BLTP3A: variants seen among roughly 807,000 people sequenced by gnomAD.
BLTP3A encodes ICBP90 binding protein 1.
the BLTP3A span, chr6:34,857,490 A>T: frequency 6.2e-7 from 1 of 1,611,944 alleles, no homozygotes; most frequent in Non-Finnish European, 8.5e-7. Flanking sequence ...TAGGCTGGCT[A>T]TTTTTCTGTC....
At chr6:34,810,231 C>T in the BLTP3A span, among the ~76,000 whole-genome samples, 1 of 152,078 alleles carries the variant, frequency 6.6e-6, no homozygotes, top group Non-Finnish European at 1.5e-5. Flanking sequence ...TGTGTGGGTC[C>T]CATGGTGTTA....
chr6:34,871,763 A>C, the BLTP3A span: 13 of 1,611,654 alleles, frequency 8.1e-6, no homozygotes, highest in East Asian at 2.2e-5. Flanking sequence ...ACACCTAGGA[A>C]CTGTTTGGGA....
At chr6:34,815,085 CAT>C in the BLTP3A span, among the ~76,000 whole-genome samples, 3 of 152,190 alleles carry the variant, frequency 2.0e-5, no homozygotes, top group Admixed American at 6.5e-5. Context: ...ATGCATACCT[CAT>C]GTGGGATATT....
At chr6:34,792,254 G>A in the BLTP3A span, 1 of 1,541,500 alleles carries the variant, frequency 6.5e-7, no homozygotes, top group Non-Finnish European at 8.7e-7. Context: ...CTCCGGCATG[G>A]CCGGGATCAT....
the BLTP3A span, chr6:34,871,192 A>G: frequency 6.6e-7 from 1 of 1,505,008 alleles, no homozygotes. Context: ...GCAAGGAAGC[A>G]GTGACACCTG....
the BLTP3A span, among the ~76,000 whole-genome samples, chr6:34,820,180 C>T: frequency 6.6e-6 from 1 of 152,076 alleles, no homozygotes; most frequent in East Asian, 1.9e-4. Context: ...AAAAAAATAA[C>T]AGCTTGCTTC....
the BLTP3A span, among the ~76,000 whole-genome samples, chr6:34,806,963 A>G: frequency 6.7e-6 from 1 of 149,058 alleles, no homozygotes; most frequent in Non-Finnish European, 1.5e-5. Context: ...CCCAGCAGAT[A>G]ACCTATTCTT....
At chr6:34,819,536 C>T in the BLTP3A span, among the ~76,000 whole-genome samples, 3 of 152,128 alleles carry the variant, frequency 2.0e-5, no homozygotes, top group African/African-American at 7.2e-5. Context: ...AGCCCCTTAC[C>T]TTGAAGAGCT....
the BLTP3A span, among the ~76,000 whole-genome samples, chr6:34,818,704 C>G: frequency 3.9e-4 from 60 of 152,316 alleles, no homozygotes; most frequent in East Asian, 0.011. Context: ...CAGGTAAGCA[C>G]TTTCCTAAAT....
At chr6:34,813,338 AAAC>A in the BLTP3A span, among the ~76,000 whole-genome samples, 10 of 152,348 alleles carry the variant, frequency 6.6e-5, no homozygotes, top group African/African-American at 2.4e-4. Context: ...GATTTGGACT[AAAC>A]AATTATTTAA....
chr6:34,801,344 A>G, the BLTP3A span, among the ~76,000 whole-genome samples: 2 of 152,220 alleles, frequency 1.3e-5, no homozygotes, highest in Non-Finnish European at 2.9e-5. Flanking sequence ...CAAAAGCCAC[A>G]TAAACTTACT....
At chr6:34,854,184 C>T in the BLTP3A span, among the ~76,000 whole-genome samples, 905 of 151,680 alleles carry the variant, frequency 6.0e-3, 6 homozygotes, top group Non-Finnish European at 9.8e-3. Context: ...TTAGTGCCAC[C>T]GCACTCCAGC....
chr6:34,857,603 A>G, the BLTP3A span: 9 of 1,455,218 alleles, frequency 6.2e-6, no homozygotes, highest in South Asian at 1.1e-4. Context: ...CACTTTTGTT[A>G]AACACTCTGC....
chr6:34,846,922 A>G, the BLTP3A span, among the ~76,000 whole-genome samples: 1 of 152,138 alleles, frequency 6.6e-6, no homozygotes, highest in Non-Finnish European at 1.5e-5. Context: ...ACATTTTGTT[A>G]TGTTGAGTTA....
the BLTP3A span, among the ~76,000 whole-genome samples, chr6:34,822,899 C>T: frequency 2.1e-4 from 32 of 150,920 alleles, no homozygotes; most frequent in East Asian, 6.0e-3. Context: ...GGATGATTAT[C>T]GGTTGAGGGC....
the BLTP3A span, among the ~76,000 whole-genome samples, chr6:34,797,034 A>T: frequency 1.3e-5 from 2 of 152,200 alleles, no homozygotes; most frequent in Non-Finnish European, 2.9e-5. Context: ...TGTAAAAGAT[A>T]AGGAGGAAGA....
the BLTP3A span, among the ~76,000 whole-genome samples, chr6:34,863,610 G>C: frequency 4.6e-3 from 704 of 152,246 alleles, 3 homozygotes; most frequent in African/African-American, 0.015. Flanking sequence ...CTCCTGCCTA[G>C]TGCCTAGTAT....
the BLTP3A span, among the ~76,000 whole-genome samples, chr6:34,844,720 T>C: frequency 6.6e-6 from 1 of 152,240 alleles, no homozygotes; most frequent in African/African-American, 2.4e-5. Flanking sequence ...AGATTTTTTT[T>C]CCTGTTAAAT....
chr6:34,849,515 T>A, the BLTP3A span, among the ~76,000 whole-genome samples: 1 of 152,204 alleles, frequency 6.6e-6, no homozygotes, highest in Non-Finnish European at 1.5e-5. Context: ...ATATATTTTA[T>A]TATACCGTCT....
Sources: allele counts gnomAD v4.1 joint callset (sites outside exome capture counted in the v4.1 genomes callset), GRCh38; gene constraint gnomAD v4.1.1; transcripts MANE v1.5; gene names NCBI Gene and HGNC (gene_info 2026-07-23, HGNC 2026-07-21).